Variants in CDH12 observed in about 807,000 individuals in gnomAD.
CDH12 encodes the protein cadherin-12.
In CDH12, 41 loss-of-function variants were observed where a neutral mutation model predicts 74.1. That is an observed-to-expected ratio of 0.55 (90% CI 0.43 to 0.72). The LOEUF is 0.72. CDH12 is among the 30% of genes least tolerant of loss of function. CDH12 has a pLI of 0.00. For missense variants in CDH12, 945 were observed against 977.2 expected, an observed-to-expected ratio of 0.97 and a Z score of 0.44; for synonymous variants, 399 against 355.0, an observed-to-expected ratio of 1.12 and a Z score of -1.39.
intron 6 of CDH12, among the ~76,000 whole-genome samples, chr5:21,901,260 A>G (rs576527535): frequency 1.3e-5 from 2 of 152,300 alleles, no homozygotes; most frequent in Admixed American, 6.5e-5. Flanking sequence ...AGAACTTATA[A>G]GTCATATTAT....
intron 5 of CDH12, among the ~76,000 whole-genome samples, chr5:22,013,336 C>T (rs1050559605): frequency 6.6e-6 from 1 of 152,250 alleles, no homozygotes; most frequent in East Asian, 1.9e-4. Context: ...CAGCAAGGGG[C>T]AAACCACCCA....
chr5:22,337,141 C>T lies in CDH12; in HGVS notation c.-333+68116G>A, dbSNP rs192844080. The stretch of plus-strand genomic sequence containing the variant: ...GGGGCCTGTAGCCCCTTTGTTTTGG[C>T]CAATTTCTTCCATTTGGAATGGCTG... On this transcript the variant is annotated intron_variant, in intron 3 of 14. Transcript: ENST00000382254. Among the ~76,000 whole-genome samples, 21 of 152,254 alleles carry T rather than the reference C, an allele frequency of 1.4e-4. No individual in the cohort carries two copies. The East Asian group carries it at 1.7e-3, about 13-fold the overall frequency.
intron 9 of CDH12, among the ~76,000 whole-genome samples, chr5:21,802,866 A>G (rs1026868065): frequency 6.6e-6 from 1 of 152,144 alleles, no homozygotes; most frequent in African/African-American, 2.4e-5. Context: ...GACTGGGATT[A>G]CAGAAGCAAG....
At chr5:22,555,201 A>T (rs1462528196) in intron 1 of CDH12, among the ~76,000 whole-genome samples, 1 of 152,052 alleles carries the variant, frequency 6.6e-6, no homozygotes, top group African/African-American at 2.4e-5. Flanking sequence ...AAGGAGAAAG[A>T]TATTCTATGA....
At chr5:22,059,397 A>G (rs558593222) in intron 5 of CDH12, among the ~76,000 whole-genome samples, 1 of 141,132 alleles carries the variant, frequency 7.1e-6, no homozygotes, top group South Asian at 2.2e-4. Context: ...CTATCTATGT[A>G]TCTACTTTTA....
intron 1 of CDH12, among the ~76,000 whole-genome samples, chr5:22,509,011 C>T (rs568327545): frequency 2.3e-4 from 35 of 152,170 alleles, no homozygotes; most frequent in South Asian, 2.3e-3. Context: ...ACTTCCTATC[C>T]GCTTCCATAG....
intron 2 of CDH12, among the ~76,000 whole-genome samples, chr5:22,490,473 C>G (rs1402475221): frequency 6.6e-6 from 1 of 151,264 alleles, no homozygotes; most frequent in Admixed American, 6.6e-5. Flanking sequence ...CATTTCATAT[C>G]GAGAACAGGA....
At chr5:22,216,363 T>A (rs1365475237) in intron 3 of CDH12, among the ~76,000 whole-genome samples, 2 of 151,928 alleles carry the variant, frequency 1.3e-5, no homozygotes, top group African/African-American at 4.8e-5. Context: ...AAATTGGGGA[T>A]ATATGAAGAT....
rs532279466 is a variant in CDH12 at position 21,854,191 on chromosome 5, C to A, written c.646+480G>T. 9.9e-5 allele frequency among the ~76,000 whole-genome samples: 15 copies of A among 151,634 alleles called. 1 individual carries two copies. In the South Asian group the frequency reaches 2.7e-3, roughly 27 times the overall value. On this transcript the variant is annotated intron_variant, in intron 7 of 14. Transcript: ENST00000382254. Reference sequence around the variant, plus strand: ...AACAAAATCAATGATTTTGGTATTGCAAGATTGTCAAGTCTCTCCTTTCTC... The same window carrying A: ...AACAAAATCAATGATTTTGGTATTGAAAGATTGTCAAGTCTCTCCTTTCTC...
chr5:22,261,344 C>A, intron 3 of CDH12, among the ~76,000 whole-genome samples: 1 of 151,852 alleles, frequency 6.6e-6, no homozygotes, highest in Non-Finnish European at 1.5e-5. Flanking sequence ...ATCACCATTT[C>A]TCTATTTTCA....
At chr5:21,926,209 A>C (rs1754577645) in intron 6 of CDH12, among the ~76,000 whole-genome samples, 1 of 152,194 alleles carries the variant, frequency 6.6e-6, no homozygotes, top group Non-Finnish European at 1.5e-5. Flanking sequence ...TTTATAAACT[A>C]TCCACTGACC....
chr5:22,683,799 C>T (rs1486812729), intron 1 of CDH12, among the ~76,000 whole-genome samples: 1 of 152,144 alleles, frequency 6.6e-6, no homozygotes, highest in East Asian at 1.9e-4. Flanking sequence ...CACAGAGTTC[C>T]AACATTGTCC....
rs114231743 is a variant in CDH12, at chr5:22,514,349, A to G, written c.-522-8985T>C. ...TAAGTGAATGGTTGAATATGAAAGAAAGTAAAAGAGATGTTCTAAAATGTG... is the reference window on the plus strand; with the variant it reads ...TAAGTGAATGGTTGAATATGAAAGAGAGTAAAAGAGATGTTCTAAAATGTG... On this transcript the variant is annotated intron_variant, in intron 1 of 14. Coordinates refer to ENST00000382254, the MANE Select transcript of CDH12 (RefSeq NM_004061.5). Among the ~76,000 whole-genome samples the G allele has an allele frequency of 7.2e-3, 1,096 of 152,284 alleles. 11 individuals are homozygous for G. Among genetic ancestry groups the G allele is most frequent in the African/African-American group, 0.025 (1,060 of 41,576 alleles).
At chr5:22,733,338 A>G (rs1318188607) in intron 1 of CDH12, among the ~76,000 whole-genome samples, 1 of 151,968 alleles carries the variant, frequency 6.6e-6, no homozygotes, top group Non-Finnish European at 1.5e-5. Context: ...AATCCTAAGC[A>G]TATTTCAAAA....
chr5:22,420,547 C>T lies in CDH12; in HGVS notation c.-427-15196G>A, dbSNP rs111745533. ...ATTGGTCTATGTGTCTGTTTTTGTA[C>T]CAGCACCATGCTGTTTTGGTTACTC... is the stretch of plus-strand genomic sequence containing the variant. On this transcript the variant is annotated intron_variant, in intron 2 of 14. Transcript: ENST00000382254. Among the ~76,000 whole-genome samples the T allele has an allele frequency of 3.1e-3, 469 of 152,162 alleles. 6 individuals are homozygous for T. The highest frequency in any genetic ancestry group is 0.011 in the African/African-American group (452 of 41,514).
At chr5:22,222,499 C>A (rs1363129234) in intron 3 of CDH12, among the ~76,000 whole-genome samples, 1 of 151,882 alleles carries the variant, frequency 6.6e-6, no homozygotes, top group Non-Finnish European at 1.5e-5. Flanking sequence ...GCTTTTCAAT[C>A]TCACTGAATT....
At chr5:22,671,693 G>A (rs1467173058) in intron 1 of CDH12, among the ~76,000 whole-genome samples, 1 of 151,958 alleles carries the variant, frequency 6.6e-6, no homozygotes, top group Non-Finnish European at 1.5e-5. Flanking sequence ...ATTCAGCTTA[G>A]AATCCACTGG....
At chr5:22,010,053 G>A (rs1307670662) in intron 5 of CDH12, among the ~76,000 whole-genome samples, 8 of 151,702 alleles carry the variant, frequency 5.3e-5, no homozygotes, top group Admixed American at 2.0e-4. Flanking sequence ...TGTCTTTTCC[G>A]TATCAACATA....
chr5:22,531,561 T>A (rs143239800), intron 1 of CDH12, among the ~76,000 whole-genome samples: 1 of 152,154 alleles, frequency 6.6e-6, no homozygotes, highest in Non-Finnish European at 1.5e-5. Context: ...GGAAGGGCTA[T>A]CTCCTTAAAC....
Sources: allele counts gnomAD v4.1 joint callset (sites outside exome capture counted in the v4.1 genomes callset), GRCh38; gene constraint gnomAD v4.1.1; transcripts MANE v1.5; gene names NCBI Gene and HGNC (gene_info 2026-07-23, HGNC 2026-07-21).